The following FER1L6 variants were observed in gnomAD, a reference collection of about 807,000 sequenced individuals.
FER1L6 encodes the protein fer-1-like protein 6.
Under a neutral mutation model 219.2 loss-of-function variants are expected in FER1L6, and 177 were observed. The ratio of observed to expected loss-of-function variants is 0.81; its 90% confidence interval spans 0.71 to 0.91. FER1L6 has a LOEUF of 0.91. Among genes scored for constraint, FER1L6 ranks in the 40% least tolerant of loss-of-function variants. The pLI, the probability that FER1L6 is intolerant of heterozygous loss-of-function variation, is 0.00. For missense variants in FER1L6, 2,153 were observed against 2,259.9 expected (o/e 0.95, Z 0.96); for synonymous variants, 768 against 824.3 (o/e 0.93, Z 1.17).
intron 2 of FER1L6, among the ~76,000 whole-genome samples, chr8:123,960,724 G>A (rs887844521): frequency 6.6e-6 from 1 of 151,016 alleles, no homozygotes; most frequent in Non-Finnish European, 1.5e-5. Flanking sequence ...TTTTTCTGTC[G>A]ATGGAAAATC....
chr8:124,066,721 C>A (rs537655773), intron 27 of FER1L6, among the ~76,000 whole-genome samples, 171 bp downstream of exon 27: 1 of 152,152 alleles, frequency 6.6e-6, no homozygotes, highest in Non-Finnish European at 1.5e-5. Flanking sequence ...ACCAGAGATA[C>A]GGAATTACAA....
Position 123,998,373 on chromosome 8 carries a change from ACTCTCTCTCTCTCTCT to A in FER1L6, c.1520-4757_1520-4742del, listed in dbSNP as rs746709688. ...CTTAGTTTCCCTCAAAAAGAGGGAA[ACTCTCTCTCTCTCTCT>A]CTCTCTCTCTCTCTCTCTCTCTCTC... On this transcript the variant is annotated intron_variant, in intron 12 of 40. Coordinates refer to ENST00000522917, the MANE Select transcript of FER1L6 (RefSeq NM_001039112.2). Among the ~76,000 whole-genome samples the A allele has an allele frequency of 4.3e-3, 141 of 32,478 alleles. 3 individuals are homozygous for A. The highest frequency in any genetic ancestry group is 0.033 in the Middle Eastern group (1 of 30). 21.3% of individuals were successfully genotyped at this position (32,478 alleles called of 152,430 possible).
At chr8:124,027,767 A>G (rs1818775876) in intron 18 of FER1L6, among the ~76,000 whole-genome samples, 1 of 152,148 alleles carries the variant, frequency 6.6e-6, no homozygotes, top group Non-Finnish European at 1.5e-5. Context: ...TATGTAACCC[A>G]GGCTTATCTC....
At chr8:124,050,557 G>A (rs1449772966) in intron 22 of FER1L6, among the ~76,000 whole-genome samples, 4 of 152,094 alleles carry the variant, frequency 2.6e-5, no homozygotes, top group African/African-American at 9.7e-5. Context: ...GCGCCTGGTG[G>A]TACTTCGCCT....
chr8:124,067,872 T>C, intron 28 of FER1L6, 66 bp downstream of exon 28: 1 of 1,371,252 alleles, frequency 7.3e-7, no homozygotes, highest in South Asian at 1.2e-5. Flanking sequence ...AATTGTAAAA[T>C]GGAAGCCACG....
chr8:124,044,022 G>T (rs1255243653), intron 20 of FER1L6, among the ~76,000 whole-genome samples: 1 of 152,232 alleles, frequency 6.6e-6, no homozygotes, highest in Non-Finnish European at 1.5e-5. Flanking sequence ...TAATGAATGA[G>T]TGAATGAACA....
intron 18 of FER1L6, among the ~76,000 whole-genome samples, chr8:124,027,507 C>A (rs1191130584): frequency 6.6e-6 from 1 of 152,148 alleles, no homozygotes; most frequent in African/African-American, 2.4e-5. Context: ...TTTTGTCCCC[C>A]TCATATCCAG....
At chr8:123,956,924 G>A (rs1815046442) in intron 2 of FER1L6, among the ~76,000 whole-genome samples, 1 of 152,216 alleles carries the variant, frequency 6.6e-6, no homozygotes, top group African/African-American at 2.4e-5. Flanking sequence ...GTAGAGGCCA[G>A]GCCCAGCACT....
rs148336639 is a variant in FER1L6 at position 123,940,492 on chromosome 8, C to T, written c.-7-15500C>T. On this transcript the variant is annotated intron_variant, in intron 1 of 40. Transcript: ENST00000522917. ...AGCTGGGACTACAGGCACGTGCCACCAAGCCTGGCTAATTTTTGTATTTTT... is the reference window on the plus strand; with the variant it reads ...AGCTGGGACTACAGGCACGTGCCACTAAGCCTGGCTAATTTTTGTATTTTT... Among the ~76,000 whole-genome samples, 138 of 152,254 alleles carry T rather than the reference C, an allele frequency of 9.1e-4. 3 individuals are homozygous for T. In the East Asian group the frequency reaches 0.025, roughly 27 times the overall value.
chr8:124,003,349 T>A lies in FER1L6; in HGVS notation c.1700+2T>A. On this transcript the variant is annotated splice_donor_variant, in intron 13 of 40. Transcript: ENST00000522917. LOFTEE classifies it high-confidence loss of function. ...GCCACTGGTGACAGAAGGGAACAGG[T>A]AGGAGACATAGCCTGGGAGAACAGT... The A allele has an allele frequency of 6.2e-7, 1 of 1,607,830 alleles. No homozygotes were observed. The highest frequency in any genetic ancestry group is 8.5e-7 in the Non-Finnish European group (1 of 1,177,230).
At chr8:123,973,180 G>T (rs192567562) in intron 6 of FER1L6, among the ~76,000 whole-genome samples, 1 of 152,186 alleles carries the variant, frequency 6.6e-6, no homozygotes, top group Non-Finnish European at 1.5e-5. Flanking sequence ...AGGGTGAGCT[G>T]TACTCAGATT....
chr8:124,113,675 C>T (rs554904556), intron 39 of FER1L6, among the ~76,000 whole-genome samples: 1 of 152,202 alleles, frequency 6.6e-6, no homozygotes, highest in Non-Finnish European at 1.5e-5. Flanking sequence ...AATCTTCTGA[C>T]ATTTTCCCCT....
At chr8:123,871,778 A>G (rs1816927962) in intron 1 of FER1L6, among the ~76,000 whole-genome samples, 1 of 152,176 alleles carries the variant, frequency 6.6e-6, no homozygotes, top group Admixed American at 6.5e-5. Context: ...GAGTCACTTT[A>G]AAGTGGAGAA....
intron 12 of FER1L6, among the ~76,000 whole-genome samples, chr8:123,994,302 G>A (rs1225941475): frequency 6.6e-6 from 1 of 152,180 alleles, no homozygotes; most frequent in African/African-American, 2.4e-5. Flanking sequence ...GTCTGGGCCT[G>A]TCAAGTCCAT....
At chr8:124,048,173 C>A (rs993832485) in intron 21 of FER1L6, among the ~76,000 whole-genome samples, 140 of 152,326 alleles carry the variant, frequency 9.2e-4, no homozygotes, top group African/African-American at 3.2e-3. Flanking sequence ...CCATCTCAAC[C>A]AAGTTTCCTT....
intron 28 of FER1L6, among the ~76,000 whole-genome samples, chr8:124,068,485 G>A (rs1158844614): frequency 2.0e-5 from 3 of 152,194 alleles, no homozygotes; most frequent in Admixed American, 6.5e-5. Context: ...GCTACAGTCC[G>A]TATCAGGTGG....
chr8:123,944,814 G>A (rs1475751164), intron 1 of FER1L6, among the ~76,000 whole-genome samples: 1 of 152,128 alleles, frequency 6.6e-6, no homozygotes, highest in Non-Finnish European at 1.5e-5. Context: ...ATATGGCAAA[G>A]TGCTTGGAGG....
At chr8:124,026,866 T>C (rs556904815) in intron 18 of FER1L6, among the ~76,000 whole-genome samples, 1 of 152,228 alleles carries the variant, frequency 6.6e-6, no homozygotes, top group African/African-American at 2.4e-5. Context: ...TAGCATAAAC[T>C]GACTGGCTTA....
At chr8:123,911,954 C>G (rs930780634) in intron 1 of FER1L6, among the ~76,000 whole-genome samples, 5 of 152,078 alleles carry the variant, frequency 3.3e-5, no homozygotes, top group Admixed American at 3.3e-4. Context: ...CATAGCACAC[C>G]CTGGTTTTAT....
Sources: allele counts gnomAD v4.1 joint callset (sites outside exome capture counted in the v4.1 genomes callset), GRCh38; gene constraint gnomAD v4.1.1; transcripts MANE v1.5; gene names NCBI Gene and HGNC (gene_info 2026-07-23, HGNC 2026-07-21).